PPM1A: variants seen among roughly 807,000 people sequenced by gnomAD.
The protein encoded by PPM1A is protein phosphatase, Mg2+/Mn2+ dependent 1A.
A neutral mutation model predicts 35.0 loss-of-function variants in PPM1A; 7 were observed. That is an observed-to-expected ratio of 0.20 (90% CI 0.11 to 0.38). The LOEUF (loss-of-function observed/expected upper bound fraction) is 0.38. PPM1A is among the 10% of genes least tolerant of loss of function. The pLI is 1.00. For synonymous variants in PPM1A, 153 were observed against 167.3 expected (o/e 0.91, Z 0.66); for missense variants, 239 against 467.8 (o/e 0.51, Z 4.51).
In PPM1A at chr14:60,297,381, G is replaced by T. The variant is rs1956870; in HGVS notation, c.*4899G>T. On this transcript the variant is annotated 3_prime_UTR_variant, in exon 6 of 6. Coordinates refer to ENST00000395076, the MANE Select transcript of PPM1A (RefSeq NM_021003.5). ...TTGTGTCACATAAACCAACAAGAATGAACCTTTGCTGCTTCAGATAATTTG... is the reference window on the plus strand; with the variant it reads ...TTGTGTCACATAAACCAACAAGAATTAACCTTTGCTGCTTCAGATAATTTG... 1 of 151,376 alleles carries T rather than the reference G, an allele frequency of 6.6e-6. No homozygotes were observed. 9.4% of individuals were successfully genotyped at this position (151,376 alleles called of 1,614,324 possible).
chr14:60,245,903 T>C (rs1362139252), upstream of PPM1A: 6 of 1,584,850 alleles, frequency 3.8e-6, no homozygotes, highest in East Asian at 1.4e-4. This position sits in a 1 kb window ranked among gnomAD's most constrained non-coding sequence, Gnocchi z 4.2. Flanking sequence ...ACTAAGCTAA[T>C]GAAAAGAGAG....
intron 1 of PPM1A, among the ~76,000 whole-genome samples, chr14:60,255,574 AG>A (rs1346436083): frequency 1.3e-5 from 2 of 152,206 alleles, no homozygotes; most frequent in Non-Finnish European, 2.9e-5. Flanking sequence ...GCTAGCGGCT[AG>A]CACAGTGCTT....
At chr14:60,267,458 T>G (rs1403987398) in intron 1 of PPM1A, among the ~76,000 whole-genome samples, 1 of 152,080 alleles carries the variant, frequency 6.6e-6, no homozygotes, top group East Asian at 1.9e-4. Context: ...TGATTTGTAA[T>G]ATATATTTTA....
Position 60,291,434 on chromosome 14 carries a change from C to T in PPM1A, c.1099C>T (p.Pro367Ser), listed in dbSNP as rs775100015. Residue 367 changes from proline (P) to serine (S), a missense_variant, in exon 5 of 6, where the codon CCT becomes TCT. Physicochemically the swap from Pro to Ser is moderately conservative, Grantham distance 74. This residue lies in a region of PPM1A where 64 missense variants were observed against 78.6 expected (regional missense o/e 0.81). Transcript: ENST00000395076. The part of the protein sequence containing the change: ...VIEAVYNRLN[P>S]YKNDDTDSTS... Reference sequence around the variant, plus strand: ...TGAAGCCGTTTACAATAGACTGAATCCTTACAAAAATGACGACACTGTAAG... The same window carrying T: ...TGAAGCCGTTTACAATAGACTGAATTCTTACAAAAATGACGACACTGTAAG... 4 of 1,575,290 alleles carry T rather than the reference C, an allele frequency of 2.5e-6. No homozygotes were observed. The highest frequency in any genetic ancestry group is 1.7e-5 in the Admixed American group (1 of 57,568).
In PPM1A at chr14:60,282,967, T is replaced by C; in HGVS notation, c.264T>C (p.Ser88=). 6.2e-7 allele frequency: 1 copy of C among 1,614,256 alleles called. No homozygotes were observed. Among genetic ancestry groups the C allele is most frequent in the South Asian group, 1.1e-5 (1 of 91,082 alleles). The part of the protein sequence containing the change: ...HITNNQDFKG[S]AGAPSVENVK... The stretch of plus-strand genomic sequence containing the variant: ...CCAATAACCAGGATTTTAAAGGGTC[T>C]GCAGGAGCACCTTCTGTGGAAAATG... Residue 88 remains serine (S), a synonymous_variant, in exon 2 of 6, where the codon TCT becomes TCC. Transcript: ENST00000395076. This position sits in a 1 kb window ranked among gnomAD's most constrained non-coding sequence, Gnocchi z 5.1.
chr14:60,276,386 G>A (rs1885763974), intron 1 of PPM1A, among the ~76,000 whole-genome samples: 2 of 151,708 alleles, frequency 1.3e-5, no homozygotes. Context: ...TATCTCTAAT[G>A]CAAGTCTACT....
At chr14:60,281,158 A>G (rs753905059) in intron 1 of PPM1A, among the ~76,000 whole-genome samples, 6 of 152,220 alleles carry the variant, frequency 3.9e-5, no homozygotes, top group Admixed American at 1.3e-4. Context: ...TTATTACGTT[A>G]TCCTTTATCC....
chr14:60,272,938 AT>A (rs955558008), intron 1 of PPM1A, among the ~76,000 whole-genome samples: 42 of 150,796 alleles, frequency 2.8e-4, no homozygotes, highest in African/African-American at 8.8e-4. Context: ...GCATTATAGT[AT>A]TTTTTTTTCT....
rs1244982369 is a variant in PPM1A at position 60,289,856 on chromosome 14, C to T, written c.1003C>T (p.Arg335Cys). The T allele has an allele frequency of 1.3e-6, 2 of 1,593,410 alleles. No homozygotes were observed. The highest frequency in any genetic ancestry group is 1.7e-6 in the Non-Finnish European group (2 of 1,174,364). The change falls in exon 4 of 6, where the codon CGC becomes TGC. Residue 335 changes from arginine (R) to cysteine (C), a missense_variant. Coordinates refer to ENST00000395076, the MANE Select transcript of PPM1A (RefSeq NM_021003.5). This position sits in a 1 kb window ranked among gnomAD's most constrained non-coding sequence, Gnocchi z 4.1. ...EGVPDLVHVMRTLASENIPSL... is the reference protein window; with the variant it reads ...EGVPDLVHVMCTLASENIPSL... ...CGTCCCCGACTTAGTCCATGTGATG[C>T]GCACATTAGCGAGTGAGAACATCCC...
chr14:60,277,172 G>A (rs1566591917), intron 1 of PPM1A: 1 of 354,018 alleles, frequency 2.8e-6, no homozygotes, highest in East Asian at 1.2e-4. Context: ...ACTATTTATG[G>A]ATATACGCCA....
At chr14:60,272,662 G>T (rs1885282775) in intron 1 of PPM1A, among the ~76,000 whole-genome samples, 1 of 129,548 alleles carries the variant, frequency 7.7e-6, no homozygotes, top group East Asian at 2.2e-4. Flanking sequence ...CCACATCCCA[G>T]CCTGGGCGAC....
chr14:60,252,850 T>C (rs965747263), intron 1 of PPM1A, among the ~76,000 whole-genome samples: 5 of 152,164 alleles, frequency 3.3e-5, no homozygotes, highest in African/African-American at 9.7e-5. Context: ...ATATATTCTT[T>C]GATGATTTTG....
intron 1 of PPM1A, chr14:60,250,455 T>A: frequency 1.0e-6 from 1 of 983,152 alleles, no homozygotes; most frequent in Non-Finnish European, 1.2e-6. Context: ...CAGTTTTAGA[T>A]ACGTTTTGAA....
At chr14:60,258,344 G>A (rs1049744060) in intron 1 of PPM1A, among the ~76,000 whole-genome samples, 2 of 152,116 alleles carry the variant, frequency 1.3e-5, no homozygotes, top group Non-Finnish European at 2.9e-5. Context: ...GGCTTATTGT[G>A]TAGAGAAAAC....
At chr14:60,263,747 C>A (rs573723592) in intron 1 of PPM1A, among the ~76,000 whole-genome samples, 1 of 151,906 alleles carries the variant, frequency 6.6e-6, no homozygotes, top group East Asian at 1.9e-4. Context: ...TCTTATTTTT[C>A]GTTAGTTTTC....
Position 60,293,184 on chromosome 14 carries a change from C to T in PPM1A, c.*702C>T, listed in dbSNP as rs1203565743. 1.3e-5 allele frequency: 2 copies of T among 151,936 alleles called. No homozygotes were observed. Among genetic ancestry groups the T allele is most frequent in the African/African-American group, 4.8e-5 (2 of 41,388 alleles). The allele number at this position is 151,936 out of a possible 1,614,324, so 9.4% of individuals were successfully genotyped here. ...TGGGGCTAAATGCCTTGTTTCTTTG[C>T]ACCTCTTTTCAAGTCCTTACATTTA... On this transcript the variant is annotated 3_prime_UTR_variant, in exon 6 of 6. Coordinates refer to ENST00000395076, the MANE Select transcript of PPM1A (RefSeq NM_021003.5). The surrounding 1 kb of genome is among the most constrained non-coding windows in gnomAD (Gnocchi z 4.0).
intron 1 of PPM1A, among the ~76,000 whole-genome samples, chr14:60,256,440 G>A (rs779172085): frequency 7.0e-6 from 1 of 142,498 alleles, no homozygotes; most frequent in Non-Finnish European, 1.5e-5. Context: ...TAAAAAAAAA[G>A]AAGAAGAAAA....
Position 60,292,342 on chromosome 14 carries a change from C to T in PPM1A, c.1120-111C>T. The stretch of plus-strand genomic sequence containing the variant: ...ATATACTTTAAAAAACATTTATATT[C>T]TAAAAGTCATCTTTACAGAACATTA... On this transcript the variant is annotated intron_variant, in intron 5 of 5. Transcript: ENST00000395076. This position sits in a 1 kb window ranked among gnomAD's most constrained non-coding sequence, Gnocchi z 4.2. 1.3e-6 allele frequency: 1 copy of T among 763,168 alleles called. No homozygotes were observed. The highest frequency in any genetic ancestry group is 2.2e-6 in the Non-Finnish European group (1 of 459,840). The allele number at this position is 763,168 out of a possible 1,614,324, so 47.3% of individuals were successfully genotyped here. A position where few individuals can be genotyped will look rare whatever the true frequency, so the allele number is the denominator to read the frequency against.
Position 60,298,512 on chromosome 14 carries a change from A to G in PPM1A, c.*6030A>G, listed in dbSNP as rs1017866449. 1.3e-5 allele frequency: 2 copies of G among 151,796 alleles called. No homozygotes were observed. Among genetic ancestry groups the G allele is most frequent in the African/African-American group, 2.4e-5 (1 of 41,416 alleles). 9.4% of individuals were successfully genotyped at this position (151,796 alleles called of 1,614,324 possible). ...ATTTGTTGCCAAAATTAGATGTTTA[A>G]TGACAGCTTATTTAATTCCCATTTG... is the stretch of plus-strand genomic sequence containing the variant. On this transcript the variant is annotated 3_prime_UTR_variant, in exon 6 of 6. Coordinates refer to ENST00000395076, the MANE Select transcript of PPM1A (RefSeq NM_021003.5).
Sources: gnomAD v4.1 joint callset for allele counts (sites outside exome capture counted in the v4.1 genomes callset) on GRCh38, gnomAD v4.1.1 for gene constraint, gnomAD v4.1.1 regional missense constraint, Gnocchi (gnomAD v3.1) non-coding constraint, MANE v1.5 for transcripts, NCBI Gene and HGNC (gene_info 2026-07-23, HGNC 2026-07-21) for gene names.